ADGRG6: variants seen among roughly 807,000 people sequenced by gnomAD.
ADGRG6 encodes adhesion G protein-coupled receptor G6.
In ADGRG6, 84 loss-of-function variants were observed where a neutral mutation model predicts 142.4. The ratio of observed to expected loss-of-function variants is 0.59; its 90% CI spans 0.49 to 0.71. The LOEUF is 0.71. ADGRG6 is among the 30% of genes least tolerant of loss of function. The pLI is 0.00. For missense variants in ADGRG6, 1,367 were observed against 1,466.6 expected, an observed-to-expected ratio of 0.93 and a Z score of 1.11; for synonymous variants, 521 against 520.5, an observed-to-expected ratio of 1.00 and a Z score of -0.01.
At chr6:142,338,188 CTTTTTGTATTTTTAGTAGAGA>C (rs2114704346) in intron 2 of ADGRG6, among the ~76,000 whole-genome samples, 1 of 150,976 alleles carries the variant, frequency 6.6e-6, no homozygotes, top group South Asian at 2.1e-4. Flanking sequence ...GCCCGGCTAA[CTTTTTGTATTTTTAGTAGAGA>C]TGGGGTTTCA....
intron 2 of ADGRG6, among the ~76,000 whole-genome samples, chr6:142,354,981 C>T (rs370969697): frequency 6.6e-6 from 1 of 152,264 alleles, no homozygotes; most frequent in Middle Eastern, 3.4e-3. Flanking sequence ...AGATTCAACT[C>T]GGATTATCTT....
At chr6:142,306,661 A>C (rs1448247441) in intron 1 of ADGRG6, among the ~76,000 whole-genome samples, 1 of 152,040 alleles carries the variant, frequency 6.6e-6, no homozygotes, top group African/African-American at 2.4e-5. Context: ...CCACAATCAA[A>C]ATGGTGTAAG....
chr6:142,373,881 CTTTTTTTTTT>C (rs769498618), intron 4 of ADGRG6, among the ~76,000 whole-genome samples: 9 of 93,848 alleles, frequency 9.6e-5, no homozygotes, highest in South Asian at 7.2e-4. Context: ...TTTTTCTTTT[CTTTTTTTTTT>C]TTTTTTTTTT....
chr6:142,439,854 T>C (rs1446405716), intron 24 of ADGRG6, among the ~76,000 whole-genome samples: 1 of 152,228 alleles, frequency 6.6e-6, no homozygotes, highest in African/African-American at 2.4e-5. Context: ...TAGCCTAAGA[T>C]AGATTATTCT....
At chr6:142,443,203 C>T (rs1285300597) in intron 24 of ADGRG6, 134 bp from the exon 25 acceptor site, 3 of 580,670 alleles carry the variant, frequency 5.2e-6, no homozygotes, top group Non-Finnish European at 6.1e-6. Flanking sequence ...TGCCTATTAC[C>T]TAATATAAGA....
At chr6:142,409,694 G>T (rs1241114271) in intron 16 of ADGRG6, among the ~76,000 whole-genome samples, 180 bp from the exon 17 acceptor site, 3 of 152,038 alleles carry the variant, frequency 2.0e-5, no homozygotes, top group African/African-American at 7.2e-5. Context: ...GTTGATTTTC[G>T]CTTGAAGTCT....
chr6:142,439,190 T>C (rs1777626264), intron 24 of ADGRG6, among the ~76,000 whole-genome samples: 1 of 152,202 alleles, frequency 6.6e-6, no homozygotes, highest in Non-Finnish European at 1.5e-5. Flanking sequence ...TAGTGAATGA[T>C]GTGAAAATGT....
chr6:142,331,451 G>A (rs1329106304), intron 2 of ADGRG6, among the ~76,000 whole-genome samples: 1 of 152,118 alleles, frequency 6.6e-6, no homozygotes, highest in East Asian at 1.9e-4. Flanking sequence ...TCTGTTCTGT[G>A]TCTGTCGGTA....
At chr6:142,403,007 G>GTTTTTT (rs1314290573) in intron 13 of ADGRG6, among the ~76,000 whole-genome samples, 177 bp downstream of exon 13, 1 of 144,418 alleles carries the variant, frequency 6.9e-6, no homozygotes, top group African/African-American at 2.5e-5. Flanking sequence ...AGTTCTGTGT[G>GTTTTTT]TTTTTTTTTT....
At chr6:142,433,554 C>A (rs1042853415) in intron 22 of ADGRG6, among the ~76,000 whole-genome samples, 28 of 152,264 alleles carry the variant, frequency 1.8e-4, no homozygotes, top group African/African-American at 6.5e-4. Flanking sequence ...GCCTGCAAAG[C>A]CTGCTCTGAG....
In ADGRG6 at chr6:142,302,348, A is replaced by C. The variant is rs774229130; in HGVS notation, c.2+17A>C. The C allele has an allele frequency of 1.2e-6, 2 of 1,612,322 alleles. No homozygotes were observed. The highest frequency in any genetic ancestry group is 3.3e-5 in the Admixed American group (2 of 59,806). On this transcript the variant is annotated intron_variant, in intron 1 of 24. Transcript: ENST00000367609. ...TGTCAACATGTAAGTCTCACCTTTCAGCTTGGAATTCCTTCACTCTTTTAT... is the reference window on the plus strand; with the variant it reads ...TGTCAACATGTAAGTCTCACCTTTCCGCTTGGAATTCCTTCACTCTTTTAT...
chr6:142,347,080 C>T, intron 2 of ADGRG6, among the ~76,000 whole-genome samples: 1 of 152,036 alleles, frequency 6.6e-6, no homozygotes, highest in African/African-American at 2.4e-5. Context: ...ATTAATATAA[C>T]ATATTTGTTT....
intron 2 of ADGRG6, among the ~76,000 whole-genome samples, chr6:142,336,221 T>G (rs1386007058): frequency 2.0e-5 from 3 of 152,212 alleles, no homozygotes; most frequent in African/African-American, 7.2e-5. Flanking sequence ...CAAACTCCAG[T>G]GGAAGACAGT....
chr6:142,431,058 T>A (rs550464150), intron 22 of ADGRG6, among the ~76,000 whole-genome samples: 17 of 152,042 alleles, frequency 1.1e-4, no homozygotes, highest in Non-Finnish European at 2.2e-4. Context: ...TTGCAAATTT[T>A]ACTGAGAATT....
intron 22 of ADGRG6, among the ~76,000 whole-genome samples, chr6:142,434,178 A>G (rs1223946282): frequency 5.3e-5 from 8 of 150,280 alleles, no homozygotes; most frequent in East Asian, 1.9e-4. Flanking sequence ...TATATAATAA[A>G]TAAAATCATA....
chr6:142,361,014 C>CTT (rs980488199), intron 2 of ADGRG6, among the ~76,000 whole-genome samples: 5 of 152,194 alleles, frequency 3.3e-5, no homozygotes, highest in African/African-American at 1.2e-4. Flanking sequence ...CAGCTGCTGC[C>CTT]TTTGAATTTC....
intron 2 of ADGRG6, among the ~76,000 whole-genome samples, chr6:142,361,611 A>G (rs1222147025): frequency 6.6e-6 from 1 of 152,168 alleles, no homozygotes; most frequent in East Asian, 1.9e-4. Context: ...ACACTGTGTG[A>G]AATTTTGTAA....
At position 142,445,460 on chromosome 6, in the gene ADGRG6, C is replaced by A. The variant is rs1777934832; in HGVS notation, c.*1945C>A. 1 of 152,194 alleles carries A rather than the reference C, an allele frequency of 6.6e-6. No individual in the cohort carries two copies. Among genetic ancestry groups the A allele is most frequent in the Non-Finnish European group, 1.5e-5 (1 of 68,032 alleles). The allele number at this position is 152,194 out of a possible 1,614,324, so 9.4% of individuals were successfully genotyped here. Reference sequence around the variant, plus strand: ...TAGTAGATTTTAATTAGTTAGCTTTCTAACTAGTCAGATTTCTGCCCAAAG... The same window carrying A: ...TAGTAGATTTTAATTAGTTAGCTTTATAACTAGTCAGATTTCTGCCCAAAG... On this transcript the variant is annotated 3_prime_UTR_variant, in exon 25 of 25. Transcript: ENST00000367609.
At chr6:142,328,245 C>T (rs1458958196) in intron 2 of ADGRG6, among the ~76,000 whole-genome samples, 1 of 152,124 alleles carries the variant, frequency 6.6e-6, no homozygotes, top group Non-Finnish European at 1.5e-5. Context: ...CTGTGTTGTC[C>T]AGGCTGAAGT....
Sources: gnomAD v4.1 joint callset for allele counts (sites outside exome capture counted in the v4.1 genomes callset) on GRCh38, gnomAD v4.1.1 for gene constraint, MANE v1.5 for transcripts, NCBI Gene and HGNC (gene_info 2026-07-23, HGNC 2026-07-21) for gene names.